PCDHGA6: variants seen among roughly 807,000 people sequenced by gnomAD.
PCDHGA6 encodes protocadherin gamma-A6.
A neutral mutation model predicts 60.6 loss-of-function variants in PCDHGA6; 41 were observed. That is an observed-to-expected ratio of 0.68 (90% CI 0.53 to 0.88). The LOEUF is 0.88. Ranked by LOEUF, PCDHGA6 falls within the 40% of genes least tolerant of loss-of-function variation. The pLI is 0.00. For missense variants in PCDHGA6, 1,312 were observed against 1,203.0 expected, an observed-to-expected ratio of 1.09 and a Z score of -1.34; for synonymous variants, 594 against 524.4, an observed-to-expected ratio of 1.13 and a Z score of -1.81.
At chr5:141,421,894 C>A in intron 1 of PCDHGA6, 3 of 1,613,704 alleles carry the variant, frequency 1.9e-6, no homozygotes, top group Non-Finnish European at 2.5e-6. Context: ...CGATCCCATC[C>A]GAAAGGGCGC....
At chr5:141,451,185 T>C (rs900513875) in intron 1 of PCDHGA6, among the ~76,000 whole-genome samples, 1 of 152,182 alleles carries the variant, frequency 6.6e-6, no homozygotes, top group Non-Finnish European at 1.5e-5. Context: ...GCCATTGCTG[T>C]GTAACAAATT....
At position 141,406,249 on chromosome 5, in the gene PCDHGA6, G is replaced by A. The variant is rs73279090; in HGVS notation, c.2424+29742G>A. Among the ~76,000 whole-genome samples, 1,262 of 152,022 alleles carry A rather than the reference G, an allele frequency of 8.3e-3. 17 individuals are homozygous for A. The highest frequency in any genetic ancestry group is 0.029 in the African/African-American group (1,198 of 41,452). On this transcript the variant is annotated intron_variant, in intron 1 of 3. Coordinates refer to ENST00000517434, the MANE Select transcript of PCDHGA6 (RefSeq NM_018919.3). ...CTAGCAAGCTATGTTGCCCAGACTG[G>A]TCTCAAACGATCTTCCTGCTTCAGT...
chr5:141,399,713 A>T, intron 1 of PCDHGA6: 1 of 1,613,326 alleles, frequency 6.2e-7, no homozygotes, highest in Non-Finnish European at 8.5e-7. Context: ...CTCACACTAC[A>T]GGCCCGCGAC....
intron 1 of PCDHGA6, chr5:141,439,900 A>G (rs562278732): frequency 6.6e-5 from 10 of 152,362 alleles, no homozygotes; most frequent in African/African-American, 2.2e-4. Flanking sequence ...CAAGGCGACT[A>G]CTGCCTCCTT....
intron 1 of PCDHGA6, chr5:141,410,447 C>T (rs760711107): frequency 3.1e-6 from 5 of 1,613,984 alleles, no homozygotes; most frequent in African/African-American, 2.7e-5. Context: ...GGGGACTTTG[C>T]CTTATTCTTA....
In PCDHGA6 at chr5:141,511,112, G is replaced by C. The variant is rs767257788; in HGVS notation, c.2738G>C (p.Gly913Ala). The change falls in exon 4 of 4, where the codon GGC becomes GCC. Residue 913 changes from glycine (G) to alanine (A), a missense_variant. Coordinates refer to ENST00000517434, the MANE Select transcript of PCDHGA6 (RefSeq NM_018919.3). ...TLTNAAGKRD[G>A]KAPAGGNGNK... The stretch of plus-strand genomic sequence containing the variant: ...ACCAACGCAGCTGGCAAGCGGGATG[G>C]CAAGGCCCCAGCAGGTGGCAATGGC... The C allele has an allele frequency of 4.3e-6, 7 of 1,614,232 alleles. No homozygotes were observed. Among genetic ancestry groups the C allele is most frequent in the Non-Finnish European group, 5.9e-6 (7 of 1,180,024 alleles).
At chr5:141,390,352 A>C (rs1340044054) in intron 1 of PCDHGA6, 1 of 1,557,524 alleles carries the variant, frequency 6.4e-7, no homozygotes, top group African/African-American at 1.4e-5. Context: ...GAAAATATAC[A>C]TATTTGCAGG....
chr5:141,440,527 T>G (rs1282939317), intron 1 of PCDHGA6: 3 of 152,222 alleles, frequency 2.0e-5, no homozygotes, highest in African/African-American at 7.2e-5. Context: ...TGAAGAATCA[T>G]GCACCACGGT....
rs774211225 is a variant in PCDHGA6 at position 141,374,709 on chromosome 5, G to A, written c.626G>A (p.Arg209His). 28 of 1,608,934 alleles carry A rather than the reference G, an allele frequency of 1.7e-5. No individual in the cohort carries two copies. In the South Asian group the frequency reaches 1.9e-4, roughly 11 times the overall value. Residue 209 changes from arginine (R) to histidine (H), a missense_variant, in exon 1 of 4, where the codon CGC becomes CAC. Arg to His is a conservative substitution (Grantham distance 29). Transcript: ENST00000517434. ...TLDREGEAVY[R>H]LVLTAMDGGD... ...GACCGGGAAGGAGAAGCCGTTTACCGCCTGGTCCTTACTGCCATGGATGGC... is the reference window on the plus strand; with the variant it reads ...GACCGGGAAGGAGAAGCCGTTTACCACCTGGTCCTTACTGCCATGGATGGC...
intron 1 of PCDHGA6, chr5:141,422,556 G>A: frequency 6.2e-7 from 1 of 1,613,908 alleles, no homozygotes; most frequent in Non-Finnish European, 8.5e-7. Flanking sequence ...GGCTGAATGT[G>A]GCAGATGACA....
intron 1 of PCDHGA6, among the ~76,000 whole-genome samples, chr5:141,454,209 T>A (rs2098783885): frequency 6.6e-6 from 1 of 152,088 alleles, no homozygotes; most frequent in South Asian, 2.1e-4. Flanking sequence ...TTTATTGACA[T>A]GAATGAGAAA....
Position 141,485,210 on chromosome 5 carries a change from C to T in PCDHGA6, c.2425-9597C>T, listed in dbSNP as rs2099609472. 1.2e-6 allele frequency: 2 copies of T among 1,614,058 alleles called. No individual in the cohort carries two copies. The highest frequency in any genetic ancestry group is 1.3e-5 in the African/African-American group (1 of 75,046). ...GGTGAGAAGCTGGACAGAAATCTGG[C>T]GGTGGGCTACCCTTTTGTTCCTCTT... On this transcript the variant is annotated intron_variant, in intron 1 of 3. Coordinates refer to ENST00000517434, the MANE Select transcript of PCDHGA6 (RefSeq NM_018919.3). The surrounding 1 kb of genome is among the most constrained non-coding windows in gnomAD (Gnocchi z 5.7).
chr5:141,433,289 G>A, intron 1 of PCDHGA6: 1 of 1,130,682 alleles, frequency 8.8e-7, no homozygotes, highest in Non-Finnish European at 1.3e-6. Flanking sequence ...AAACTCCTAG[G>A]CTCAAGCAAT....
intron 2 of PCDHGA6, among the ~76,000 whole-genome samples, chr5:141,501,290 TACACAC>T (rs55762287): frequency 0.081 from 10,957 of 136,038 alleles, 480 homozygotes; most frequent in African/African-American, 0.13. Context: ...TATTCCCTTA[TACACAC>T]ACACACACAC....
Position 141,414,407 on chromosome 5 carries a change from A to T in PCDHGA6, c.2424+37900A>T, listed in dbSNP as rs181582338. On this transcript the variant is annotated intron_variant, in intron 1 of 3. Transcript: ENST00000517434. ...GACAGTTATTACAGATTGGTGATACACAGAGCCCTTGACAGGGAACAGGTA... is the reference window on the plus strand; with the variant it reads ...GACAGTTATTACAGATTGGTGATACTCAGAGCCCTTGACAGGGAACAGGTA... 96 of 1,613,912 alleles carry T rather than the reference A, an allele frequency of 5.9e-5. No individual in the cohort carries two copies. In the East Asian group the frequency reaches 1.5e-3, roughly 25 times the overall value.
At chr5:141,414,722 G>T in intron 1 of PCDHGA6, 1 of 1,614,128 alleles carries the variant, frequency 6.2e-7, no homozygotes, top group South Asian at 1.1e-5. Flanking sequence ...TCAGACACTG[G>T]CGTCCTGTAT....
Position 141,409,613 on chromosome 5 carries a change from A to T in PCDHGA6, c.2424+33106A>T, listed in dbSNP as rs370495173. 6.6e-5 allele frequency: 107 copies of T among 1,613,738 alleles called. 1 individual carries two copies. The South Asian group carries it at 1.1e-3, about 17-fold the overall frequency. ...CGAGAACAACCCGCCAGGAGCCTCC[A>T]TTGCGCAAGTGAGCGCCTCTGACCC... On this transcript the variant is annotated intron_variant, in intron 1 of 3. Transcript: ENST00000517434.
In PCDHGA6 at chr5:141,403,923, G is replaced by T. The variant is rs199643799; in HGVS notation, c.2424+27416G>T. 1.2e-3 allele frequency: 1,935 copies of T among 1,613,900 alleles called. 4 individuals carry two copies. Among genetic ancestry groups the T allele is most frequent in the Non-Finnish European group, 1.5e-3 (1,744 of 1,179,882 alleles). On this transcript the variant is annotated intron_variant, in intron 1 of 3. Transcript: ENST00000517434. The stretch of plus-strand genomic sequence containing the variant: ...GAAATGGAAATACAAGCTGAAGATG[G>T]TGGGGGATTGAAAGGGTGGACAAAA...
chr5:141,422,472 G>T, intron 1 of PCDHGA6: 2 of 1,613,680 alleles, frequency 1.2e-6, no homozygotes, highest in Non-Finnish European at 1.7e-6. Flanking sequence ...ACAGGGAGTT[G>T]GTCCAGAGCT....
Sources: gnomAD v4.1 joint callset for allele counts (sites outside exome capture counted in the v4.1 genomes callset) on GRCh38, gnomAD v4.1.1 for gene constraint, Gnocchi (gnomAD v3.1) non-coding constraint, MANE v1.5 for transcripts, NCBI Gene and HGNC (gene_info 2026-07-23, HGNC 2026-07-21) for gene names.